The following STAU1 variants were observed in gnomAD, a reference collection of about 807,000 sequenced individuals.
The protein encoded by STAU1 is double-stranded RNA-binding protein Staufen homolog 1.
STAU1 carries 13 observed loss-of-function variants against 62.9 expected under a neutral mutation model. The ratio of observed to expected loss-of-function variants is 0.21; its 90% CI spans 0.13 to 0.33. The LOEUF is 0.33. STAU1 is among the 10% of genes least tolerant of loss of function. The probability of loss-of-function intolerance (pLI) is 1.00; values close to 1 mark genes in which losing one functional copy is unlikely to be tolerated. For missense variants in STAU1, 571 were observed against 712.1 expected (o/e 0.80, Z 2.25); for synonymous variants, 269 against 265.1 (o/e 1.01, Z -0.14).
chr20:49,167,894 G>C (rs774133531), intron 2 of STAU1, among the ~76,000 whole-genome samples: 1 of 152,038 alleles, frequency 6.6e-6, no homozygotes, highest in Non-Finnish European at 1.5e-5. Flanking sequence ...AATGAGCTAG[G>C]AGTAAAGTAT....
At chr20:49,214,076 G>T in the STAU1 span, among the ~76,000 whole-genome samples, 8 of 152,062 alleles carry the variant, frequency 5.3e-5, no homozygotes, top group Admixed American at 2.0e-4. Flanking sequence ...GCTAGGCATG[G>T]TGATGCACCC....
intron 1 of STAU1, among the ~76,000 whole-genome samples, chr20:49,184,518 G>A (rs1025615552): frequency 6.6e-6 from 1 of 152,122 alleles, no homozygotes; most frequent in Admixed American, 6.6e-5. Flanking sequence ...TAGGGAGAAC[G>A]TGTAAACTCC....
upstream of STAU1, among the ~76,000 whole-genome samples, chr20:49,189,931 A>G (rs1328871298): frequency 1.3e-5 from 2 of 152,172 alleles, no homozygotes. Flanking sequence ...CTGGGAGGAC[A>G]CTTGCCTCCT....
chr20:49,118,714 G>C (rs1490067019), intron 9 of STAU1, among the ~76,000 whole-genome samples: 1 of 152,228 alleles, frequency 6.6e-6, no homozygotes, highest in East Asian at 1.9e-4. Flanking sequence ...ACCAGAAAGA[G>C]CAGAGATGCT....
chr20:49,134,003 C>G (rs1244964351), intron 6 of STAU1, among the ~76,000 whole-genome samples: 2 of 152,100 alleles, frequency 1.3e-5, no homozygotes, highest in Non-Finnish European at 2.9e-5. Context: ...AAGAATACTT[C>G]AAAGATATTT....
At chr20:49,206,744 T>TATATATATATAC in the STAU1 span, among the ~76,000 whole-genome samples, 1 of 132,100 alleles carries the variant, frequency 7.6e-6, no homozygotes, top group South Asian at 2.3e-4. Context: ...TATATATATA[T>TATATATATATAC]ATATATATTT....
Position 49,166,085 on chromosome 20 carries a change from A to T in STAU1, c.117T>A (p.Thr39=), listed in dbSNP as rs761612904. ...CTGCATTTTCAGAGGGCAGAGAGCT[A>T]GTAGTAGAAGGAATACTCATCAAAG... ...SQPLMSIPST[T]SSLPSENAGR... Residue 39 remains threonine, a synonymous_variant, in exon 3 of 14, where the codon ACT becomes ACA. Transcript: ENST00000371856. 3 of 1,614,212 alleles carry T rather than the reference A, an allele frequency of 1.9e-6. No homozygotes were observed. The highest frequency in any genetic ancestry group is 4.5e-5 in the East Asian group (2 of 44,880).
At chr20:49,191,912 G>A (rs145259552), upstream of STAU1, among the ~76,000 whole-genome samples, 139 of 151,736 alleles carry the variant, frequency 9.2e-4, no homozygotes, top group African/African-American at 3.0e-3. Context: ...TTAGCCAGCC[G>A]TGGTGGTATG....
At chr20:49,207,426 T>C in the STAU1 span, among the ~76,000 whole-genome samples, 1 of 152,176 alleles carries the variant, frequency 6.6e-6, no homozygotes, top group Non-Finnish European at 1.5e-5. Context: ...CGGGCAGGCC[T>C]CTTTTTCTGT....
At position 49,188,271 on chromosome 20, in the gene STAU1, G is replaced by C. The variant is rs900997643; in HGVS notation, c.-315C>G. The C allele has an allele frequency of 1.5e-4, 23 of 152,332 alleles. No individual in the cohort carries two copies. Among genetic ancestry groups the C allele is most frequent in the African/African-American group, 3.1e-4 (13 of 41,404 alleles). 9.4% of individuals were successfully genotyped at this position (152,332 alleles called of 1,614,324 possible). A position where few individuals can be genotyped will look rare whatever the true frequency, so the allele number is the denominator to read the frequency against. On this transcript the variant is annotated 5_prime_UTR_variant, in exon 1 of 14. Coordinates refer to ENST00000371856, the MANE Select transcript of STAU1 (RefSeq NM_017453.4). ...AGGCGGGCGCCGCCGGGCCGGGGGGGGGAGGCGGTCAAAGGAAGCGGGAGC... is the reference window on the plus strand; with the variant it reads ...AGGCGGGCGCCGCCGGGCCGGGGGGCGGAGGCGGTCAAAGGAAGCGGGAGC...
At chr20:49,162,022 T>C (rs1380171696) in intron 3 of STAU1, among the ~76,000 whole-genome samples, 1 of 152,170 alleles carries the variant, frequency 6.6e-6, no homozygotes, top group African/African-American at 2.4e-5. Flanking sequence ...GAGCAGACAC[T>C]GGTTACTGAA....
intron 5 of STAU1, among the ~76,000 whole-genome samples, chr20:49,150,563 A>G (rs1026081663): frequency 3.3e-5 from 5 of 152,058 alleles, no homozygotes; most frequent in African/African-American, 1.2e-4. Flanking sequence ...GGGTTTCACC[A>G]TCTTAGCCAG....
intron 6 of STAU1, among the ~76,000 whole-genome samples, chr20:49,126,398 C>CA (rs1027257217): frequency 6.6e-4 from 99 of 151,082 alleles, no homozygotes; most frequent in African/African-American, 2.2e-3. Flanking sequence ...CTTGACTCTA[C>CA]AAAAATAAAA....
the STAU1 span, among the ~76,000 whole-genome samples, chr20:49,218,635 C>T: frequency 6.6e-6 from 1 of 152,254 alleles, no homozygotes; most frequent in Non-Finnish European, 1.5e-5. Context: ...AAGCGATGCA[C>T]CCACCTGGCT....
intron 1 of STAU1, among the ~76,000 whole-genome samples, chr20:49,180,386 C>T (rs147312059): frequency 6.6e-6 from 1 of 151,252 alleles, no homozygotes; most frequent in East Asian, 1.9e-4. Flanking sequence ...TGCAGCGGCA[C>T]GATGTCAGGT....
chr20:49,134,016 C>T lies in STAU1; in HGVS notation c.609+1817G>A, dbSNP rs2092812649. ...TAAAGAATACTTCAAAGATATTTTA[C>T]AGGAATATAAGCTTCAGATAGGCTT... On this transcript the variant is annotated intron_variant, in intron 6 of 13. Transcript: ENST00000371856. Among the ~76,000 whole-genome samples, 4 of 152,186 alleles carry T rather than the reference C, an allele frequency of 2.6e-5. No homozygotes were observed. In the South Asian group the frequency reaches 8.3e-4, roughly 31 times the overall value.
At chr20:49,189,927 G>A (rs531453166), upstream of STAU1, among the ~76,000 whole-genome samples, 9 of 152,250 alleles carry the variant, frequency 5.9e-5, 1 homozygote, top group South Asian at 1.9e-3. Context: ...AAGCCTGGGA[G>A]GACACTTGCC....
intron 2 of STAU1, among the ~76,000 whole-genome samples, chr20:49,169,585 T>C (rs1446486795): frequency 6.6e-6 from 1 of 152,208 alleles, no homozygotes; most frequent in Non-Finnish European, 1.5e-5. Flanking sequence ...TCAAAATGTT[T>C]TGTTAGAGTC....
intron 5 of STAU1, among the ~76,000 whole-genome samples, chr20:49,139,362 A>G (rs565553551): frequency 3.3e-5 from 5 of 152,366 alleles, no homozygotes; most frequent in Admixed American, 2.0e-4. Flanking sequence ...ATAAAGAACT[A>G]CAACTCAACA....
Sources: allele counts gnomAD v4.1 joint callset (sites outside exome capture counted in the v4.1 genomes callset), GRCh38; gene constraint gnomAD v4.1.1; transcripts MANE v1.5; gene names NCBI Gene and HGNC (gene_info 2026-07-23, HGNC 2026-07-21).